Variants in RFX4 observed in about 807,000 individuals in gnomAD.
The protein encoded by RFX4 is transcription factor RFX4.
Under a neutral mutation model 95.0 loss-of-function variants are expected in RFX4, and 10 were observed. The observed-to-expected ratio is 0.11, with a 90% CI of 0.06 to 0.18. The LOEUF (loss-of-function observed/expected upper bound fraction) is 0.18. Among genes scored for constraint, RFX4 ranks in the 10% least tolerant of loss-of-function variants. The pLI, the probability that RFX4 is intolerant of heterozygous loss-of-function variation, is 1.00. For missense variants in RFX4, 640 were observed against 922.0 expected, an observed-to-expected ratio of 0.69 and a Z score of 3.96; for synonymous variants, 321 against 340.7, an observed-to-expected ratio of 0.94 and a Z score of 0.64.
chr12:106,735,449 GA>G (rs1296543915), intron 15 of RFX4, among the ~76,000 whole-genome samples: 3 of 150,412 alleles, frequency 2.0e-5, no homozygotes, highest in Non-Finnish European at 3.0e-5. Flanking sequence ...TGAATAAATG[GA>G]AAAAAAAATT....
intron 3 of RFX4, among the ~76,000 whole-genome samples, chr12:106,642,391 GGATCGCTT>G (rs375070342): frequency 2.0e-5 from 3 of 152,012 alleles, no homozygotes; most frequent in African/African-American, 7.2e-5. Context: ...TGAAGTGGGA[GGATCGCTT>G]GAAGCCAGGA....
intron 1 of RFX4, among the ~76,000 whole-genome samples, chr12:106,598,903 T>C (rs1357674579): frequency 6.6e-6 from 1 of 152,174 alleles, no homozygotes; most frequent in Non-Finnish European, 1.5e-5. Context: ...CTGCTAACAT[T>C]AAGTAGTAGT....
chr12:106,725,031 A>C (rs1196864410), intron 13 of RFX4, among the ~76,000 whole-genome samples: 1 of 151,478 alleles, frequency 6.6e-6, no homozygotes, highest in African/African-American at 2.4e-5. Context: ...AAAAAAAGCC[A>C]TAGCTGAGGT....
At chr12:106,589,387 G>A (rs1446754925) in intron 1 of RFX4, among the ~76,000 whole-genome samples, 1 of 152,158 alleles carries the variant, frequency 6.6e-6, no homozygotes, top group Non-Finnish European at 1.5e-5. Flanking sequence ...AGAGTGGTGA[G>A]CACTACAAGG....
intron 1 of RFX4, among the ~76,000 whole-genome samples, chr12:106,591,261 CCTTTTTT>C (rs1373036017): frequency 0.013 from 843 of 66,436 alleles, 13 homozygotes; most frequent in African/African-American, 0.05. Context: ...TAAAATAGTC[CCTTTTTT>C]TTTTTTTTTT....
At chr12:106,709,581 T>A (rs924626091) in intron 9 of RFX4, 151 bp downstream of exon 9, 3 of 579,760 alleles carry the variant, frequency 5.2e-6, no homozygotes, top group Non-Finnish European at 8.8e-6. Context: ...TATGTAAATA[T>A]ATTTAATCCT....
intron 2 of RFX4, among the ~76,000 whole-genome samples, chr12:106,612,489 T>G (rs1565949768): frequency 6.6e-6 from 1 of 152,224 alleles, no homozygotes; most frequent in East Asian, 1.9e-4. Flanking sequence ...ATTTATTAGT[T>G]CTAACAGTAC....
intron 3 of RFX4, among the ~76,000 whole-genome samples, chr12:106,642,599 GCAAGACCCTGTCTCTATTTAAAAAAA>G (rs1408760842): frequency 6.6e-6 from 1 of 152,088 alleles, no homozygotes; most frequent in African/African-American, 2.4e-5. Flanking sequence ...GGGTGACAGA[GCAAGACCCTGTCTCTATTTAAAAAAA>G]CAACTAATGA....
At chr12:106,692,254 G>C (rs755279774) in intron 7 of RFX4, among the ~76,000 whole-genome samples, 1 of 152,134 alleles carries the variant, frequency 6.6e-6, no homozygotes, top group Non-Finnish European at 1.5e-5. Context: ...GTAGTCTTGT[G>C]ATTGAGTCTC....
chr12:106,727,175 C>T (rs1471598272), intron 13 of RFX4, among the ~76,000 whole-genome samples: 1 of 151,978 alleles, frequency 6.6e-6, no homozygotes, highest in Non-Finnish European at 1.5e-5. Context: ...TGCCAAAAAT[C>T]CTAGTAGGAA....
At chr12:106,742,759 C>T (rs974697731) in intron 15 of RFX4, among the ~76,000 whole-genome samples, 4 of 152,188 alleles carry the variant, frequency 2.6e-5, no homozygotes, top group African/African-American at 4.8e-5. Flanking sequence ...CTGCCACTTA[C>T]CTGAGCAAGT....
chr12:106,671,148 C>T (rs2041272335), intron 4 of RFX4, among the ~76,000 whole-genome samples: 2 of 152,186 alleles, frequency 1.3e-5, no homozygotes, highest in Non-Finnish European at 2.9e-5. Flanking sequence ...ATACTTTATT[C>T]TACATGAGTT....
chr12:106,683,978 C>T (rs904218037), intron 5 of RFX4, among the ~76,000 whole-genome samples: 4 of 152,168 alleles, frequency 2.6e-5, no homozygotes, highest in African/African-American at 9.7e-5. Flanking sequence ...GTCACACCTT[C>T]GACCAGTTGA....
At chr12:106,684,783 C>CT in intron 5 of RFX4, 1 of 1,280,402 alleles carries the variant, frequency 7.8e-7, no homozygotes, top group Non-Finnish European at 1.0e-6. Context: ...TCGCTCAGCA[C>CT]AAAGAATTTT....
At chr12:106,750,578 T>C (rs1320199864) in intron 16 of RFX4, 77 bp from the exon 17 acceptor site, 5 of 1,283,900 alleles carry the variant, frequency 3.9e-6, no homozygotes, top group Non-Finnish European at 5.1e-6. Flanking sequence ...AAAAAATAGA[T>C]GAGGTTTTTA....
chr12:106,686,973 C>T lies in RFX4; in HGVS notation c.467C>T (p.Thr156Met), dbSNP rs970724399. 25 of 1,613,736 alleles carry T rather than the reference C, an allele frequency of 1.5e-5. No homozygotes were observed. Among genetic ancestry groups the T allele is most frequent in the South Asian group, 4.4e-5 (4 of 91,062 alleles). Residue 156 changes from threonine (T) to methionine (M), a missense_variant, in exon 6 of 18, where the codon ACG becomes ATG. Coordinates refer to ENST00000392842, the MANE Select transcript of RFX4 (RefSeq NM_213594.3). ...AAAGGAGCTGCCTGGGTGAGTGAGA[C>T]GGGCAAGAAAGAAGTGAGCAAACAG... ...SKKGAAWVSE[T>M]GKKEVSKQTV...
chr12:106,697,445 C>CTTT (rs35656382), intron 8 of RFX4, among the ~76,000 whole-genome samples: 534 of 145,346 alleles, frequency 3.7e-3, no homozygotes, highest in Middle Eastern at 7.0e-3. Flanking sequence ...TTTCATTTAC[C>CTTT]TTTTTTTTTT....
intron 4 of RFX4, among the ~76,000 whole-genome samples, chr12:106,656,676 T>C (rs1480180662): frequency 1.3e-5 from 2 of 152,052 alleles, no homozygotes; most frequent in Non-Finnish European, 2.9e-5. Context: ...TTTCTCCTCT[T>C]CCATCTCCCT....
In RFX4 at chr12:106,731,639, G is replaced by T. The variant is rs184749301; in HGVS notation, c.1352-491G>T. ...GTTGCAGATTTAAATTTTCAAATTG[G>T]CTCCTAGAATTATGTCAGGTACATT... On this transcript the variant is annotated intron_variant, in intron 13 of 17. Coordinates refer to ENST00000392842, the MANE Select transcript of RFX4 (RefSeq NM_213594.3). 2.2e-3 allele frequency among the ~76,000 whole-genome samples: 337 copies of T among 152,302 alleles called. 2 individuals are homozygous for T. Among genetic ancestry groups the T allele is most frequent in the African/African-American group, 7.4e-3 (307 of 41,562 alleles).
Sources: allele counts gnomAD v4.1 joint callset (sites outside exome capture counted in the v4.1 genomes callset), GRCh38; gene constraint gnomAD v4.1.1; transcripts MANE v1.5; gene names NCBI Gene and HGNC (gene_info 2026-07-23, HGNC 2026-07-21).